The following SLC16A12 variants were observed in gnomAD, a reference collection of about 807,000 sequenced individuals.
The protein encoded by SLC16A12 is monocarboxylate transporter 12.
In SLC16A12, 17 loss-of-function variants were observed where a neutral mutation model predicts 42.4. That is an observed-to-expected ratio of 0.40 (90% confidence interval 0.27 to 0.60). The LOEUF is 0.60. SLC16A12 is among the 20% of genes least tolerant of loss of function. The pLI is 0.42. For missense variants in SLC16A12, 544 were observed against 623.0 expected (o/e 0.87, Z 1.35); for synonymous variants, 224 against 229.4 (o/e 0.98, Z 0.21).
At chr10:89,539,909 C>CTTTCT (rs370913553), upstream of SLC16A12, among the ~76,000 whole-genome samples, 883 of 137,072 alleles carry the variant, frequency 6.4e-3, 11 homozygotes, top group African/African-American at 0.021. Flanking sequence ...TTCTTTCTTT[C>CTTTCT]TTTTTTCTTT....
intron 2 of SLC16A12, among the ~76,000 whole-genome samples, chr10:89,470,925 CGG>C (rs1264864987): frequency 4.3e-4 from 17 of 39,810 alleles, no homozygotes; most frequent in Non-Finnish European, 1.2e-3. Context: ...CACAAGGACA[CGG>C]ACACGTGAGC....
At chr10:89,547,255 T>G (rs1326814271) in intron 2 of SLC16A12, among the ~76,000 whole-genome samples, 1 of 152,222 alleles carries the variant, frequency 6.6e-6, no homozygotes, top group Admixed American at 6.5e-5. Context: ...TTATCAGAAG[T>G]CTTTTGTATA....
chr10:89,490,893 C>G (rs1190764221), intron 2 of SLC16A12, among the ~76,000 whole-genome samples: 2 of 152,142 alleles, frequency 1.3e-5, no homozygotes, highest in East Asian at 3.9e-4. Flanking sequence ...ATCTCATTAA[C>G]AAAAGCTCAG....
rs138346606 is a variant in SLC16A12 at position 89,438,970 on chromosome 10, C to T, written c.662G>A (p.Gly221Asp). ...GGFVLNLCVC[G>D]ALMRPITLKE... ...AAGAGTAATTGGCCTCATCAAGGCA[C>T]CACATACACAGAGATTCAAGACAAA... The change falls in exon 6 of 8, where the codon GGT becomes GAT. Residue 221 changes from glycine (G) to aspartate (D), a missense_variant. By Grantham distance (94) the Gly-to-Asp change is moderately conservative. Coordinates refer to ENST00000371790, the MANE Select transcript of SLC16A12 (RefSeq NM_213606.4). 3.1e-6 allele frequency: 5 copies of T among 1,614,154 alleles called. No homozygotes were observed. The South Asian group carries it at 4.4e-5, about 14-fold the overall frequency.
chr10:89,513,528 T>G (rs1843196566), intron 2 of SLC16A12, among the ~76,000 whole-genome samples: 1 of 152,222 alleles, frequency 6.6e-6, no homozygotes, highest in Non-Finnish European at 1.5e-5. Flanking sequence ...TAAAAATATT[T>G]ATTTACCACT....
intron 2 of SLC16A12, among the ~76,000 whole-genome samples, chr10:89,553,801 C>T (rs1448258852): frequency 6.6e-6 from 1 of 151,870 alleles, no homozygotes; most frequent in Admixed American, 6.6e-5. Context: ...CAAGACCAGC[C>T]TGGCCAACAC....
chr10:89,512,251 C>A (rs994569225), intron 2 of SLC16A12, among the ~76,000 whole-genome samples: 1 of 152,124 alleles, frequency 6.6e-6, no homozygotes, highest in Admixed American at 6.5e-5. Context: ...CACAACAATG[C>A]GAATGGTGAA....
intron 2 of SLC16A12, among the ~76,000 whole-genome samples, chr10:89,500,135 G>A (rs1356246570): frequency 1.3e-5 from 2 of 152,032 alleles, no homozygotes; most frequent in Non-Finnish European, 2.9e-5. Flanking sequence ...CAGCAAGATT[G>A]AAATGGTAAT....
In SLC16A12 at chr10:89,436,449, T is replaced by C. The variant is rs1208154508; in HGVS notation, c.1029-130A>G. The C allele has an allele frequency of 1.8e-5, 20 of 1,091,380 alleles. No homozygotes were observed. In the Admixed American group the frequency reaches 3.7e-4, roughly 20 times the overall value. 67.6% of individuals were successfully genotyped at this position (1,091,380 alleles called of 1,614,324 possible). A position where few individuals can be genotyped will look rare whatever the true frequency, so the allele number is the denominator to read the frequency against. On this transcript the variant is annotated intron_variant, in intron 6 of 7. Transcript: ENST00000371790. ...TGGCTTTCCCATTGTGTGTTATGTA[T>C]GCTGTCTTCCTATCTTTCTTTTTTG...
intron 2 of SLC16A12, among the ~76,000 whole-genome samples, chr10:89,528,012 T>C (rs954390103): frequency 6.6e-6 from 1 of 152,152 alleles, no homozygotes; most frequent in Non-Finnish European, 1.5e-5. Flanking sequence ...CTATCTTTCT[T>C]ACGTAAGAGT....
intron 3 of SLC16A12, among the ~76,000 whole-genome samples, chr10:89,458,675 A>C (rs1842240182): frequency 6.6e-6 from 1 of 152,192 alleles, no homozygotes; most frequent in Non-Finnish European, 1.5e-5. Flanking sequence ...TCACATACTG[A>C]AGAGCTTTAC....
intron 2 of SLC16A12, among the ~76,000 whole-genome samples, chr10:89,492,752 CTCTT>C (rs1299855905): frequency 1.3e-5 from 2 of 151,768 alleles, no homozygotes; most frequent in Admixed American, 1.3e-4. Flanking sequence ...ACAAATATTA[CTCTT>C]TCTAAGACTC....
chr10:89,530,667 C>T (rs1333250501), intron 2 of SLC16A12, among the ~76,000 whole-genome samples: 1 of 152,152 alleles, frequency 6.6e-6, no homozygotes, highest in Non-Finnish European at 1.5e-5. Context: ...GATTTGCCCG[C>T]CCCGGCCTCC....
intron 2 of SLC16A12, among the ~76,000 whole-genome samples, chr10:89,499,651 G>C (rs972907022): frequency 6.6e-6 from 1 of 152,152 alleles, no homozygotes; most frequent in Non-Finnish European, 1.5e-5. Context: ...AGCAAAGTCA[G>C]TGCTAAGAGG....
chr10:89,549,915 C>G (rs1843760902), intron 2 of SLC16A12, among the ~76,000 whole-genome samples: 1 of 152,002 alleles, frequency 6.6e-6, no homozygotes, highest in Admixed American at 6.6e-5. Flanking sequence ...TCAGACCCAG[C>G]CTTCCCTCTT....
intron 2 of SLC16A12, among the ~76,000 whole-genome samples, chr10:89,525,220 C>CAAAAA (rs869295721): frequency 3.2e-3 from 204 of 64,420 alleles, no homozygotes; most frequent in Non-Finnish European, 3.5e-3. Flanking sequence ...GACACCATAT[C>CAAAAA]AAAAAAAAAA....
At chr10:89,550,605 A>C (rs373637199) in intron 2 of SLC16A12, among the ~76,000 whole-genome samples, 26 of 152,282 alleles carry the variant, frequency 1.7e-4, no homozygotes, top group African/African-American at 6.3e-4. Context: ...AAAGCACTAA[A>C]ACAAAATCTA....
upstream of SLC16A12, among the ~76,000 whole-genome samples, chr10:89,539,916 CT>C (rs983141499): frequency 2.0e-3 from 224 of 114,728 alleles, no homozygotes; most frequent in African/African-American, 6.6e-3. Flanking sequence ...TTTCTTTTTT[CT>C]TTTTTTCTTT....
chr10:89,544,614 T>A (rs1843732624), intron 2 of SLC16A12, among the ~76,000 whole-genome samples: 1 of 152,234 alleles, frequency 6.6e-6, no homozygotes, highest in South Asian at 2.1e-4. Flanking sequence ...AGAGCAATTC[T>A]TTGGAGAGAA....
Sources: allele counts gnomAD v4.1 joint callset (sites outside exome capture counted in the v4.1 genomes callset), GRCh38; gene constraint gnomAD v4.1.1; transcripts MANE v1.5; gene names NCBI Gene and HGNC (gene_info 2026-07-23, HGNC 2026-07-21).